Variants in MAP4K3 observed in about 807,000 individuals in gnomAD.
The protein encoded by MAP4K3 is MAPK/ERK kinase kinase kinase 3.
MAP4K3 carries 94 observed loss-of-function variants against 143.5 expected under a neutral mutation model. The ratio of observed to expected loss-of-function variants is 0.65; its 90% CI spans 0.55 to 0.78. The LOEUF is 0.78. MAP4K3 is among the 30% of genes least tolerant of loss of function. The pLI is 0.00. For missense variants in MAP4K3, 1,077 were observed against 1,068.1 expected, an observed-to-expected ratio of 1.01 and a Z score of -0.12; for synonymous variants, 416 against 347.2, an observed-to-expected ratio of 1.20 and a Z score of -2.20.
chr2:39,353,820 C>A (rs1665527687), intron 3 of MAP4K3, among the ~76,000 whole-genome samples: 1 of 152,160 alleles, frequency 6.6e-6, no homozygotes, highest in Non-Finnish European at 1.5e-5. Context: ...ACATTCTAAG[C>A]ACTGTTCTTA....
chr2:39,357,768 A>G (rs1371313903), intron 2 of MAP4K3, among the ~76,000 whole-genome samples: 2 of 152,244 alleles, frequency 1.3e-5, no homozygotes, highest in African/African-American at 4.8e-5. Flanking sequence ...TAAAGCCAAA[A>G]TAAGACTAAC....
intron 8 of MAP4K3, among the ~76,000 whole-genome samples, chr2:39,329,346 C>T (rs139414904): frequency 1.3e-5 from 2 of 152,264 alleles, no homozygotes; most frequent in East Asian, 1.9e-4. Context: ...TATACACATA[C>T]CATCTTTGAA....
At chr2:39,257,072 G>C (rs1680369879) in intron 31 of MAP4K3, among the ~76,000 whole-genome samples, 1 of 152,182 alleles carries the variant, frequency 6.6e-6, no homozygotes, top group African/African-American at 2.4e-5. Flanking sequence ...TGACATTCTA[G>C]TTGGGAGAAT....
At chr2:39,342,561 C>A (rs1429841213) in intron 4 of MAP4K3, among the ~76,000 whole-genome samples, 1 of 152,114 alleles carries the variant, frequency 6.6e-6, no homozygotes, top group East Asian at 1.9e-4. Flanking sequence ...CAACTGTAAT[C>A]CCAGTAAAAT....
At chr2:39,329,734 G>T (rs1334643800) in intron 8 of MAP4K3, among the ~76,000 whole-genome samples, 1 of 152,178 alleles carries the variant, frequency 6.6e-6, no homozygotes, top group Non-Finnish European at 1.5e-5. Context: ...GAGGTTAAAG[G>T]GAGAGGACAT....
At chr2:39,385,344 G>A (rs1478322159) in intron 1 of MAP4K3, among the ~76,000 whole-genome samples, 5 of 151,930 alleles carry the variant, frequency 3.3e-5, no homozygotes, top group Middle Eastern at 3.2e-3. Context: ...CTTGCCAAGA[G>A]CTGGCATTGT....
chr2:39,343,583 T>G, intron 3 of MAP4K3, 131 bp from the exon 4 acceptor site: 1 of 634,740 alleles, frequency 1.6e-6, no homozygotes, highest in Non-Finnish European at 2.7e-6. Flanking sequence ...TTAAAATAAC[T>G]AATTAATCTT....
chr2:39,270,447 T>C (rs1253448321), intron 26 of MAP4K3, among the ~76,000 whole-genome samples: 1 of 152,212 alleles, frequency 6.6e-6, no homozygotes, highest in Non-Finnish European at 1.5e-5. Context: ...AAGGCAGAGT[T>C]CAATTTATCA....
At chr2:39,375,683 T>C (rs920278164) in intron 2 of MAP4K3, among the ~76,000 whole-genome samples, 7 of 152,220 alleles carry the variant, frequency 4.6e-5, no homozygotes, top group African/African-American at 1.7e-4. Flanking sequence ...ATGGTGCTTT[T>C]AGTAAATTTA....
rs1681989533 is a variant in MAP4K3 at position 39,290,351 on chromosome 2, T to C, written c.1272-17A>G. On this transcript the variant is annotated splice_polypyrimidine_tract_variant and intron_variant, in intron 18 of 33. Coordinates refer to ENST00000263881, the MANE Select transcript of MAP4K3 (RefSeq NM_003618.4). ...AGAGTTGAGCTAAAAACAGAAAAGT[T>C]TAGAATCAGAACTATTCATTTTACA... 6.3e-7 allele frequency: 1 copy of C among 1,583,690 alleles called. No homozygotes were observed. The highest frequency in any genetic ancestry group is 1.4e-5 in the African/African-American group (1 of 73,956).
At chr2:39,416,251 T>C (rs1667376927) in intron 1 of MAP4K3, among the ~76,000 whole-genome samples, 2 of 151,854 alleles carry the variant, frequency 1.3e-5, no homozygotes, top group Non-Finnish European at 2.9e-5. Context: ...AGCTTACCAA[T>C]GAAACCAAAT....
chr2:39,436,852 G>T (rs758100845), intron 1 of MAP4K3, 40 bp downstream of exon 1: 1 of 1,559,726 alleles, frequency 6.4e-7, no homozygotes, highest in Non-Finnish European at 8.7e-7. Context: ...CTGCGGGTCG[G>T]GATCCCACGG....
At chr2:39,392,679 G>A (rs912944780) in intron 1 of MAP4K3, among the ~76,000 whole-genome samples, 3 of 152,206 alleles carry the variant, frequency 2.0e-5, no homozygotes, top group African/African-American at 7.2e-5. Context: ...AATAGTATTG[G>A]CAGGTGGGGT....
intron 15 of MAP4K3, 72 bp downstream of exon 15, chr2:39,307,871 A>G: frequency 8.4e-7 from 1 of 1,187,386 alleles, no homozygotes; most frequent in Non-Finnish European, 1.2e-6. Flanking sequence ...ATTGGACAAA[A>G]TGTTTGATCT....
intron 1 of MAP4K3, among the ~76,000 whole-genome samples, chr2:39,384,807 G>C (rs1443884733): frequency 1.3e-5 from 2 of 152,120 alleles, no homozygotes; most frequent in African/African-American, 4.8e-5. Context: ...TAAAGATACA[G>C]TTCTAGTAAT....
chr2:39,317,627 T>C (rs577169645), intron 12 of MAP4K3, among the ~76,000 whole-genome samples: 6 of 151,956 alleles, frequency 3.9e-5, no homozygotes, highest in African/African-American at 1.2e-4. Flanking sequence ...AGAAGACATA[T>C]ACACAGCCAT....
chr2:39,380,629 C>G (rs1286901538), intron 1 of MAP4K3, among the ~76,000 whole-genome samples: 2 of 152,118 alleles, frequency 1.3e-5, no homozygotes, highest in Admixed American at 6.5e-5. Flanking sequence ...GCAGCTAGAT[C>G]TAGTCTGCTG....
At chr2:39,315,421 T>A (rs541122469) in intron 12 of MAP4K3, 33 bp from the exon 13 acceptor site, 13 of 1,391,798 alleles carry the variant, frequency 9.3e-6, no homozygotes, top group African/African-American at 8.5e-5. Context: ...ATATGCAGCA[T>A]TTGATAATCA....
chr2:39,298,897 G>A (rs1415182279), intron 16 of MAP4K3, among the ~76,000 whole-genome samples: 5 of 151,398 alleles, frequency 3.3e-5, no homozygotes, highest in South Asian at 4.2e-4. Context: ...CCCGGGAGGC[G>A]GAGGTTGAAG....
Sources: allele counts gnomAD v4.1 joint callset (sites outside exome capture counted in the v4.1 genomes callset), GRCh38; gene constraint gnomAD v4.1.1; transcripts MANE v1.5; gene names NCBI Gene and HGNC (gene_info 2026-07-23, HGNC 2026-07-21).